The following ERC2 variants were observed in gnomAD, a reference collection of about 807,000 sequenced individuals.
ERC2 encodes the protein ERC protein 2.
Under a neutral mutation model 114.8 loss-of-function variants are expected in ERC2, and 42 were observed. The observed-to-expected ratio is 0.37, with a 90% confidence interval of 0.29 to 0.47. ERC2 has a LOEUF of 0.47. Among genes scored for constraint, ERC2 ranks in the 20% least tolerant of loss-of-function variants. The pLI, the probability that ERC2 is intolerant of heterozygous loss-of-function variation, is 0.99. For synonymous variants in ERC2, 454 were observed against 425.5 expected (o/e 1.07, Z -0.82); for missense variants, 939 against 1,150.7 (o/e 0.82, Z 2.66).
chr3:56,113,779 AG>A (rs1299781952), intron 6 of ERC2, among the ~76,000 whole-genome samples: 8 of 152,088 alleles, frequency 5.3e-5, no homozygotes, highest in African/African-American at 1.9e-4. Flanking sequence ...GTGGGTCCCC[AG>A]GTTACCTACA....
At chr3:55,607,097 A>G (rs1471204434) in intron 17 of ERC2, 1 of 152,388 alleles carries the variant, frequency 6.6e-6, no homozygotes, top group Non-Finnish European at 1.5e-5. Flanking sequence ...TCATTCAGTC[A>G]TTCTACACAC....
At chr3:55,762,924 C>T (rs1469717537) in intron 14 of ERC2, among the ~76,000 whole-genome samples, 2 of 152,200 alleles carry the variant, frequency 1.3e-5, no homozygotes, top group Admixed American at 6.5e-5. Flanking sequence ...TTCAACTTAA[C>T]AACTGTCTAC....
chr3:56,452,533 G>A (rs1194125953), intron 1 of ERC2, among the ~76,000 whole-genome samples: 6 of 152,042 alleles, frequency 3.9e-5, no homozygotes, highest in African/African-American at 1.4e-4. Context: ...AGGTGTAAGA[G>A]CTTTAAAATA....
At chr3:56,074,678 T>G (rs1349214321) in intron 7 of ERC2, among the ~76,000 whole-genome samples, 2 of 152,134 alleles carry the variant, frequency 1.3e-5, no homozygotes, top group Non-Finnish European at 2.9e-5. Context: ...CCTAGGGTAA[T>G]AGAACCAAGG....
At chr3:56,285,102 C>CA (rs2054607158) in intron 3 of ERC2, among the ~76,000 whole-genome samples, 2 of 146,984 alleles carry the variant, frequency 1.4e-5, no homozygotes, top group Admixed American at 1.4e-4. Flanking sequence ...AGCTCCCCCC[C>CA]ATCCCTACCT....
chr3:55,724,121 C>T (rs1210804759), intron 15 of ERC2, among the ~76,000 whole-genome samples: 2 of 152,166 alleles, frequency 1.3e-5, no homozygotes, highest in African/African-American at 4.8e-5. Context: ...ACAAAGGCTG[C>T]AGGAGGTAAG....
rs186183573 is a variant in ERC2, at chr3:56,330,801, C to G, written c.658-34366G>C. 7.0e-4 allele frequency among the ~76,000 whole-genome samples: 106 copies of G among 152,300 alleles called. 1 individual carries two copies. Among genetic ancestry groups the G allele is most frequent in the Admixed American group, 1.0e-3 (16 of 15,300 alleles). ...TCCCAGGCATCTTGGATAAGGGATA[C>G]TCCACCTTTAATACAAATAACATTT... On this transcript the variant is annotated intron_variant, in intron 2 of 17. Coordinates refer to ENST00000288221, the MANE Select transcript of ERC2 (RefSeq NM_015576.3).
At chr3:55,703,493 C>T (rs1035998886) in intron 15 of ERC2, among the ~76,000 whole-genome samples, 1 of 152,248 alleles carries the variant, frequency 6.6e-6, no homozygotes. Flanking sequence ...GTAGCCACCC[C>T]CCTGGGTCTC....
At chr3:56,247,839 C>T (rs1353713520) in intron 3 of ERC2, among the ~76,000 whole-genome samples, 5 of 152,162 alleles carry the variant, frequency 3.3e-5, no homozygotes, top group Admixed American at 2.6e-4. Flanking sequence ...TTATTTCCTC[C>T]CACTGATCTT....
chr3:56,230,730 T>G (rs558282210), intron 3 of ERC2, among the ~76,000 whole-genome samples: 33 of 152,214 alleles, frequency 2.2e-4, no homozygotes, highest in Non-Finnish European at 3.1e-4. Context: ...AATGAAACAT[T>G]TGTGCTTTTT....
At chr3:56,402,089 A>AC (rs2060541234) in intron 2 of ERC2, among the ~76,000 whole-genome samples, 1 of 152,096 alleles carries the variant, frequency 6.6e-6, no homozygotes, top group Admixed American at 6.6e-5. Context: ...TAGGGGAACC[A>AC]CCCCCATGAT....
chr3:55,594,691 C>T (rs1268788683), intron 17 of ERC2, among the ~76,000 whole-genome samples: 2 of 152,048 alleles, frequency 1.3e-5, no homozygotes, highest in African/African-American at 4.8e-5. Context: ...ACCATTTTGG[C>T]CGAGCTGGTC....
intron 3 of ERC2, among the ~76,000 whole-genome samples, chr3:56,189,439 C>T (rs1414411167): frequency 1.3e-5 from 2 of 152,240 alleles, no homozygotes; most frequent in Non-Finnish European, 2.9e-5. Flanking sequence ...AGCCTGACAA[C>T]AGCAGCATCT....
At chr3:56,048,250 G>A (rs2075578415) in intron 7 of ERC2, among the ~76,000 whole-genome samples, 1 of 152,158 alleles carries the variant, frequency 6.6e-6, no homozygotes, top group Non-Finnish European at 1.5e-5. Context: ...TAAGCCAAGA[G>A]CAAGATCTCC....
At chr3:55,851,274 G>T (rs1033166752) in intron 14 of ERC2, among the ~76,000 whole-genome samples, 1 of 152,088 alleles carries the variant, frequency 6.6e-6, no homozygotes, top group Non-Finnish European at 1.5e-5. Context: ...AGGCTCCTAC[G>T]TGGCCTCCCC....
intron 17 of ERC2, among the ~76,000 whole-genome samples, chr3:55,521,674 A>G (rs1433910585): frequency 6.6e-6 from 1 of 152,232 alleles, no homozygotes; most frequent in Non-Finnish European, 1.5e-5. Flanking sequence ...ATCTTCAGAC[A>G]TCTTGCCAGG....
At chr3:56,116,568 C>T (rs897435562) in intron 6 of ERC2, among the ~76,000 whole-genome samples, 1 of 152,170 alleles carries the variant, frequency 6.6e-6, no homozygotes, top group African/African-American at 2.4e-5. Context: ...TAAAGTCAGG[C>T]TCTTCACATC....
At position 56,173,446 on chromosome 3, in the gene ERC2, C is replaced by G; in HGVS notation, c.1149G>C (p.Lys383Asn). 4 of 1,613,846 alleles carry G rather than the reference C, an allele frequency of 2.5e-6. No individual in the cohort carries two copies. Among genetic ancestry groups the G allele is most frequent in the Non-Finnish European group, 3.4e-6 (4 of 1,179,788 alleles). The change falls in exon 4 of 18, where the codon AAG becomes AAC. Residue 383 changes from lysine (K) to asparagine (N), a missense_variant and splice_region_variant. This residue lies in a region of ERC2 where 148 missense variants were observed against 159.1 expected (regional missense o/e 0.93). Coordinates refer to ENST00000288221, the MANE Select transcript of ERC2 (RefSeq NM_015576.3). Reference sequence around the variant, plus strand: ...TCTGACAAAAGTGCACAGTTCCTACCTTCATTTCGATGACAGTCTGGAGAG... The same window carrying G: ...TCTGACAAAAGTGCACAGTTCCTACGTTCATTTCGATGACAGTCTGGAGAG... ...TKALQTVIEMKDTKIASLERN... is the reference protein window; with the variant it reads ...TKALQTVIEMNDTKIASLERN...
In ERC2 at chr3:56,333,436, A is replaced by G. The variant is rs1434795152; in HGVS notation, c.658-37001T>C. Among the ~76,000 whole-genome samples, 4 of 152,372 alleles carry G rather than the reference A, an allele frequency of 2.6e-5. No homozygotes were observed. In the East Asian group the frequency reaches 7.7e-4, roughly 29 times the overall value. On this transcript the variant is annotated intron_variant, in intron 2 of 17. Coordinates refer to ENST00000288221, the MANE Select transcript of ERC2 (RefSeq NM_015576.3). The stretch of plus-strand genomic sequence containing the variant: ...TGTGGACTATGAAGCAGGGAATAAC[A>G]ATAATCGTATCTAACATATATTTCT...
Sources: gnomAD v4.1 joint callset for allele counts (sites outside exome capture counted in the v4.1 genomes callset) on GRCh38, gnomAD v4.1.1 for gene constraint, gnomAD v4.1.1 regional missense constraint, MANE v1.5 for transcripts, NCBI Gene and HGNC (gene_info 2026-07-23, HGNC 2026-07-21) for gene names.